The following DPRX variants were observed in gnomAD, a reference collection of about 807,000 sequenced individuals.
The protein encoded by DPRX is divergent-paired related homeobox, also known as divergent paired-related homeobox.
DPRX carries 11 observed loss-of-function variants against 8.4 expected under a neutral mutation model. That is an observed-to-expected ratio of 1.31 (90% CI 0.82 to 2.17). The LOEUF (loss-of-function observed/expected upper bound fraction) is 2.17, where lower values mean the gene tolerates loss of function less well. DPRX is among the 30% of genes most tolerant of loss of function. The pLI is 0.00. For synonymous variants in DPRX, 72 were observed against 87.0 expected (o/e 0.83, Z 0.96); for missense variants, 211 against 236.7 (o/e 0.89, Z 0.71).
chr19:53,606,338 C>A, the DPRX span: 2,814 of 152,418 alleles, frequency 0.018, 46 homozygotes, highest in Non-Finnish European at 0.027. This position sits in a 1 kb window ranked among gnomAD's most constrained non-coding sequence, Gnocchi z 4.8. Flanking sequence ...GGGGCTTCTG[C>A]TCTGTCGCCT....
chr19:53,627,148 A>G (rs557789675), upstream of DPRX, among the ~76,000 whole-genome samples: 1 of 152,308 alleles, frequency 6.6e-6, no homozygotes, highest in East Asian at 1.9e-4. Flanking sequence ...ACCCGCAGAG[A>G]TTCAAGTGGA....
the DPRX span, among the ~76,000 whole-genome samples, chr19:53,605,623 C>T: frequency 6.6e-6 from 1 of 151,868 alleles, no homozygotes; most frequent in African/African-American, 2.4e-5. Flanking sequence ...GGCACTGCAC[C>T]CCGCCCCATT....
the DPRX span, among the ~76,000 whole-genome samples, chr19:53,615,263 T>C: frequency 1.3e-5 from 2 of 151,032 alleles, no homozygotes; most frequent in Non-Finnish European, 2.9e-5. Context: ...TGAGCTACTG[T>C]GTCCAGCCAG....
the DPRX span, among the ~76,000 whole-genome samples, chr19:53,620,321 G>A: frequency 3.4e-4 from 52 of 151,444 alleles, no homozygotes; most frequent in African/African-American, 1.1e-3. Context: ...CGCCCACCTT[G>A]GCCTCCCAAA....
the DPRX span, among the ~76,000 whole-genome samples, chr19:53,623,567 G>A: frequency 6.6e-6 from 1 of 151,966 alleles, no homozygotes; most frequent in African/African-American, 2.4e-5. Context: ...GAATCCGGGA[G>A]GCAGAGGTTG....
the DPRX span, among the ~76,000 whole-genome samples, chr19:53,615,643 T>C: frequency 0.075 from 11,383 of 152,222 alleles, 1,347 homozygotes; most frequent in African/African-American, 0.25. Flanking sequence ...TATTATGTTA[T>C]GGGAAATCTT....
At chr19:53,608,644 C>T in the DPRX span, among the ~76,000 whole-genome samples, 1 of 152,166 alleles carries the variant, frequency 6.6e-6, no homozygotes, top group African/African-American at 2.4e-5. Flanking sequence ...TGCCACTGAA[C>T]TGCATGCTTT....
the DPRX span, among the ~76,000 whole-genome samples, chr19:53,612,897 C>T: frequency 5.3e-5 from 8 of 152,068 alleles, no homozygotes; most frequent in Non-Finnish European, 1.0e-4. Context: ...AGCAGCCTTC[C>T]CTCCTGCTGG....
At chr19:53,635,047 A>G (rs1477796307) in intron 2 of DPRX, among the ~76,000 whole-genome samples, 1 of 152,124 alleles carries the variant, frequency 6.6e-6, no homozygotes, top group Non-Finnish European at 1.5e-5. Flanking sequence ...ATCACAGCTC[A>G]CTGCAGCCTC....
chr19:53,617,736 TTTC>T, the DPRX span, among the ~76,000 whole-genome samples: 1 of 152,144 alleles, frequency 6.6e-6, no homozygotes, highest in African/African-American at 2.4e-5. Flanking sequence ...TGGACTAGAA[TTTC>T]TTCTTTATTA....
the DPRX span, among the ~76,000 whole-genome samples, chr19:53,602,916 A>T: frequency 6.6e-6 from 1 of 151,248 alleles, no homozygotes; most frequent in Non-Finnish European, 1.5e-5. Context: ...ACCTCAAGTG[A>T]TCCACTTGCC....
the DPRX span, among the ~76,000 whole-genome samples, chr19:53,626,472 T>C: frequency 3.3e-5 from 5 of 152,174 alleles, no homozygotes; most frequent in African/African-American, 7.2e-5. Context: ...GCTGATCGCT[T>C]GAGCCCAGGA....
chr19:53,602,535 A>ATT, the DPRX span, among the ~76,000 whole-genome samples: 5,302 of 124,090 alleles, frequency 0.043, 348 homozygotes, highest in African/African-American at 0.15. Context: ...AATTTTTTGT[A>ATT]TTTTTTTTTT....
chr19:53,632,629 A>C (rs1442596589), intron 1 of DPRX, among the ~76,000 whole-genome samples: 1 of 151,600 alleles, frequency 6.6e-6, no homozygotes, highest in Non-Finnish European at 1.5e-5. Flanking sequence ...ATCTTTATAG[A>C]GATGGGGTTT....
chr19:53,629,174 C>T (rs929331955), upstream of DPRX, among the ~76,000 whole-genome samples: 16 of 151,330 alleles, frequency 1.1e-4, no homozygotes, highest in African/African-American at 3.2e-4. Context: ...ATTAGCCAGG[C>T]GTGTTAGTGC....
the DPRX span, among the ~76,000 whole-genome samples, chr19:53,618,650 A>G: frequency 6.8e-6 from 1 of 147,956 alleles, no homozygotes; most frequent in Non-Finnish European, 1.5e-5. Flanking sequence ...CTAAAGACTC[A>G]GAGATAGAAA....
chr19:53,616,391 T>C, the DPRX span, among the ~76,000 whole-genome samples: 1 of 152,180 alleles, frequency 6.6e-6, no homozygotes, highest in Non-Finnish European at 1.5e-5. Context: ...TCCGTATATA[T>C]AGCATGGGGT....
chr19:53,619,483 T>C, the DPRX span, among the ~76,000 whole-genome samples: 1 of 152,066 alleles, frequency 6.6e-6, no homozygotes, highest in African/African-American at 2.4e-5. Flanking sequence ...GAGACCAGCC[T>C]GAGCAACATG....
At chr19:53,613,154 T>G in the DPRX span, among the ~76,000 whole-genome samples, 1 of 152,140 alleles carries the variant, frequency 6.6e-6, no homozygotes, top group Non-Finnish European at 1.5e-5. Context: ...AAACTTCCGC[T>G]TCTGAAGCTG....
Sources: gnomAD v4.1 joint callset for allele counts (sites outside exome capture counted in the v4.1 genomes callset) on GRCh38, gnomAD v4.1.1 for gene constraint, Gnocchi (gnomAD v3.1) non-coding constraint, MANE v1.5 for transcripts, NCBI Gene and HGNC (gene_info 2026-07-23, HGNC 2026-07-21) for gene names.